The following HTR3A variants were observed in gnomAD, a reference collection of about 807,000 sequenced individuals.
HTR3A encodes the protein 5-hydroxytryptamine receptor 3A.
In HTR3A, 45 loss-of-function variants were observed where a neutral mutation model predicts 54.8. That is an observed-to-expected ratio of 0.82 (90% CI 0.65 to 1.05). HTR3A has a LOEUF of 1.05. Ranked by LOEUF, HTR3A falls within the 50% of genes least tolerant of loss-of-function variation. The probability of loss-of-function intolerance (pLI) is 0.00; values close to 1 mark genes in which losing one functional copy is unlikely to be tolerated. For synonymous variants in HTR3A, 297 were observed against 256.0 expected, an observed-to-expected ratio of 1.16 and a Z score of -1.53; for missense variants, 657 against 614.0, an observed-to-expected ratio of 1.07 and a Z score of -0.74.
In HTR3A at chr11:113,975,280, C is replaced by T. The variant is rs745653184; in HGVS notation, c.-46C>T. The stretch of plus-strand genomic sequence containing the variant: ...GCAGGCAAGCTGGCCCTTGGTGGGC[C>T]TCGTCCTGAGCACTCGGAGGCACTC... On this transcript the variant is annotated 5_prime_UTR_variant, in exon 1 of 9. Coordinates refer to ENST00000504030, the MANE Select transcript of HTR3A (RefSeq NM_000869.6). 2 of 1,606,034 alleles carry T rather than the reference C, an allele frequency of 1.2e-6. No individual in the cohort carries two copies. Among genetic ancestry groups the T allele is most frequent in the Non-Finnish European group, 1.7e-6 (2 of 1,175,504 alleles).
At chr11:113,981,174 G>A (rs1950417067) in intron 3 of HTR3A, 29 bp from the exon 4 acceptor site, 1 of 1,403,984 alleles carries the variant, frequency 7.1e-7, no homozygotes, top group Middle Eastern at 2.0e-4. Flanking sequence ...GGAGGGGGCT[G>A]CCTGTGACCA....
chr11:113,987,105 G>A, intron 8 of HTR3A, 59 bp downstream of exon 8: 1 of 1,570,446 alleles, frequency 6.4e-7, no homozygotes, highest in Non-Finnish European at 8.7e-7. Context: ...GGATGTTGTG[G>A]AAAGTCTCTG....
Position 113,986,973 on chromosome 11 carries a change from T to C in HTR3A, c.1065T>C (p.Leu355=). Residue 355 remains leucine (L), a synonymous_variant, in exon 8 of 9, where the codon CTT becomes CTC. Transcript: ENST00000504030. ...HLVLERIAWL[L]CLREQSTSQR... ...TTCTGGAGAGAATCGCCTGGCTACT[T>C]TGCCTGAGGGAGCAGTCAACTTCCC... 1 of 1,614,078 alleles carries C rather than the reference T, an allele frequency of 6.2e-7. No homozygotes were observed. Among genetic ancestry groups the C allele is most frequent in the South Asian group, 1.1e-5 (1 of 91,072 alleles).
rs766833273 is a variant in HTR3A, at chr11:113,986,111, T to C, written c.641T>C (p.Val214Ala). 1 of 1,614,044 alleles carries C rather than the reference T, an allele frequency of 6.2e-7. No homozygotes were observed. Among genetic ancestry groups the C allele is most frequent in the South Asian group, 1.1e-5 (1 of 91,078 alleles). The part of the protein sequence containing the change: ...MNQGEWELLG[V>A]LPYFREFSME... ...CAGGGAGAGTGGGAGTTGCTGGGGG[T>C]GCTGCCCTACTTTCGGGAGTTCAGC... Residue 214 changes from valine to alanine, a missense_variant, in exon 6 of 9, where the codon GTG becomes GCG. Physicochemically the swap from Val to Ala is moderately conservative, Grantham distance 64 (BLOSUM62 0). Coordinates refer to ENST00000504030, the MANE Select transcript of HTR3A (RefSeq NM_000869.6).
At chr11:113,986,430 T>A in intron 6 of HTR3A, 88 bp from the exon 7 acceptor site, 9 of 1,475,266 alleles carry the variant, frequency 6.1e-6, no homozygotes, top group Non-Finnish European at 8.4e-6. Context: ...GGAAGCCCCA[T>A]AAAACAAGGA....
chr11:113,978,443 G>A (rs536525030), intron 2 of HTR3A, among the ~76,000 whole-genome samples: 6 of 152,204 alleles, frequency 3.9e-5, no homozygotes, highest in South Asian at 2.1e-4. Context: ...GTGGCTCTGT[G>A]TTGGGGTCAG....
In HTR3A at chr11:113,975,300, G is replaced by A; in HGVS notation, c.-26G>A. On this transcript the variant is annotated 5_prime_UTR_variant, in exon 1 of 9. Coordinates refer to ENST00000504030, the MANE Select transcript of HTR3A (RefSeq NM_000869.6). ...TGGGCCTCGTCCTGAGCACTCGGAG[G>A]CACTCCTATGCTTGGAAAGCTCGCT... The A allele has an allele frequency of 6.2e-7, 1 of 1,612,798 alleles. No homozygotes were observed. Among genetic ancestry groups the A allele is most frequent in the East Asian group, 2.2e-5 (1 of 44,868 alleles).
chr11:113,977,878 A>C lies in HTR3A; in HGVS notation c.175A>C (p.Thr59Pro), dbSNP rs1591600252. 1 of 1,614,190 alleles carries C rather than the reference A, an allele frequency of 6.2e-7. No homozygotes were observed. The highest frequency in any genetic ancestry group is 8.5e-7 in the Non-Finnish European group (1 of 1,180,038). Residue 59 changes from threonine to proline, a missense_variant, in exon 2 of 9, where the codon ACC becomes CCC. Transcript: ENST00000504030. ...VRPVRDWRKPTTVSIDVIVYA... is the reference protein window; with the variant it reads ...VRPVRDWRKPPTVSIDVIVYA... ...CCCCGTGAGGGACTGGAGGAAGCCA[A>C]CCACCGTATCCATTGACGTCATTGT...
chr11:113,979,361 G>A (rs988270889), intron 3 of HTR3A, 84 bp downstream of exon 3: 16 of 1,067,294 alleles, frequency 1.5e-5, no homozygotes, highest in South Asian at 8.7e-5. Flanking sequence ...TGGCCTTGGC[G>A]AGGGAAGGTG....
At chr11:113,979,869 C>T (rs906288166) in intron 3 of HTR3A, among the ~76,000 whole-genome samples, 1 of 152,078 alleles carries the variant, frequency 6.6e-6, no homozygotes, top group Non-Finnish European at 1.5e-5. Context: ...GAAGTCAGAG[C>T]AGAGGAGAAA....
rs1200081965 is a variant in HTR3A, at chr11:113,977,844, G to T, written c.141G>T (p.Lys47Asn). The change falls in exon 2 of 9, where the codon AAG (lysine) becomes AAT (asparagine). Residue 47 changes from lysine (K) to asparagine (N), a missense_variant. Physicochemically the swap from Lys to Asn is moderately conservative, Grantham distance 94 (BLOSUM62 0). Transcript: ENST00000504030. Reference protein sequence around the residue: ...LSDYLLTNYRKGVRPVRDWRK... With the variant: ...LSDYLLTNYRNGVRPVRDWRK... Reference sequence around the variant, plus strand: ...ATTACCTTTTGACCAACTACAGGAAGGGTGTGCGCCCCGTGAGGGACTGGA... The same window carrying T: ...ATTACCTTTTGACCAACTACAGGAATGGTGTGCGCCCCGTGAGGGACTGGA... 10 of 1,614,168 alleles carry T rather than the reference G, an allele frequency of 6.2e-6. No individual in the cohort carries two copies. Among genetic ancestry groups the T allele is most frequent in the Non-Finnish European group, 8.5e-6 (10 of 1,180,030 alleles).
chr11:113,979,325 A>T (rs1371307808), intron 3 of HTR3A, 48 bp downstream of exon 3: 1 of 1,491,086 alleles, frequency 6.7e-7, no homozygotes, highest in South Asian at 1.1e-5. Flanking sequence ...CCTCCTGGGA[A>T]GGAGTCGGGA....
At position 113,986,065 on chromosome 11, in the gene HTR3A, G is replaced by A. The variant is rs569636885; in HGVS notation, c.595G>A (p.Asp199Asn). Residue 199 changes from aspartate to asparagine, a missense_variant, in exon 6 of 9, where the codon GAC (aspartate) becomes AAC (asparagine). Asp to Asn is a conservative substitution (Grantham distance 23, BLOSUM62 1). Transcript: ENST00000504030. The part of the protein sequence containing the change: ...LWRLPEKVKS[D>N]RSVFMNQGEW... Reference sequence around the variant, plus strand: ...GCGCTTGCCAGAAAAGGTGAAATCCGACAGGAGTGTCTTCATGAACCAGGG... The same window carrying A: ...GCGCTTGCCAGAAAAGGTGAAATCCAACAGGAGTGTCTTCATGAACCAGGG... 1.2e-5 allele frequency: 20 copies of A among 1,614,186 alleles called. 1 individual carries two copies. Among genetic ancestry groups the A allele is most frequent in the Admixed American group, 1.0e-4 (6 of 60,022 alleles).
In HTR3A at chr11:113,989,595, C is replaced by A; in HGVS notation, c.1269C>A (p.Ser423=). The change falls in exon 9 of 9, where the codon TCC becomes TCA. Residue 423 remains serine (S), a synonymous_variant. Coordinates refer to ENST00000504030, the MANE Select transcript of HTR3A (RefSeq NM_000869.6). This position sits in a 1 kb window ranked among gnomAD's most constrained non-coding sequence, Gnocchi z 4.4. ...LAVCGLLQEL[S]SIRQFLEKRD... ...TGTGTGGGCTGCTGCAGGAGCTGTC[C>A]TCCATCCGGCAATTCCTGGAAAAGC... 6.2e-7 allele frequency: 1 copy of A among 1,614,200 alleles called. No individual in the cohort carries two copies. Among genetic ancestry groups the A allele is most frequent in the Non-Finnish European group, 8.5e-7 (1 of 1,180,038 alleles).
chr11:113,986,081 T>G lies in HTR3A; in HGVS notation c.611T>G (p.Met204Arg). 6.2e-7 allele frequency: 1 copy of G among 1,614,204 alleles called. No individual in the cohort carries two copies. The highest frequency in any genetic ancestry group is 8.5e-7 in the Non-Finnish European group (1 of 1,180,034). Residue 204 changes from methionine to arginine, a missense_variant, in exon 6 of 9, where the codon ATG (methionine) becomes AGG (arginine). Physicochemically the swap from Met to Arg is moderately conservative, Grantham distance 91 (BLOSUM62 -1). Coordinates refer to ENST00000504030, the MANE Select transcript of HTR3A (RefSeq NM_000869.6). ...GTGAAATCCGACAGGAGTGTCTTCA[T>G]GAACCAGGGAGAGTGGGAGTTGCTG... ...EKVKSDRSVF[M>R]NQGEWELLGV...
rs753309130 is a variant in HTR3A at position 113,989,537 on chromosome 11, C to G, written c.1211C>G (p.Pro404Arg). The G allele has an allele frequency of 6.2e-7, 1 of 1,614,104 alleles. No individual in the cohort carries two copies. Among genetic ancestry groups the G allele is most frequent in the Non-Finnish European group, 8.5e-7 (1 of 1,180,020 alleles). The change falls in exon 9 of 9, where the codon CCT (proline) becomes CGT (arginine). Residue 404 changes from proline (P) to arginine (R), a missense_variant. Transcript: ENST00000504030. The surrounding 1 kb of genome is among the most constrained non-coding windows in gnomAD (Gnocchi z 4.4). ...FEKSPRDRCSPPPPPREASLA... is the reference protein window; with the variant it reads ...FEKSPRDRCSRPPPPREASLA... ...AAGAGCCCGAGGGACAGATGTAGCC[C>G]TCCCCCACCACCTCGGGAGGCCTCG...
Position 113,989,955 on chromosome 11 carries a change from T to C in HTR3A, c.*192T>C, listed in dbSNP as rs2137590620. Reference sequence around the variant, plus strand: ...AGGTCTGAACCCTTCCACCAAAAACTGGGTGTTCAAGGCCCTTACACCCTT... The same window carrying C: ...AGGTCTGAACCCTTCCACCAAAAACCGGGTGTTCAAGGCCCTTACACCCTT... On this transcript the variant is annotated 3_prime_UTR_variant, in exon 9 of 9. Transcript: ENST00000504030. The surrounding 1 kb of genome is among the most constrained non-coding windows in gnomAD (Gnocchi z 4.4). 1 of 741,918 alleles carries C rather than the reference T, an allele frequency of 1.3e-6. No individual in the cohort carries two copies. Among genetic ancestry groups the C allele is most frequent in the East Asian group, 2.7e-5 (1 of 37,220 alleles). The allele number at this position is 741,918 out of a possible 1,614,324, so 46.0% of individuals were successfully genotyped here.
chr11:113,986,277 C>G (rs1016533081), intron 6 of HTR3A, 102 bp downstream of exon 6: 1 of 1,422,594 alleles, frequency 7.0e-7, no homozygotes, highest in Non-Finnish European at 9.9e-7. Context: ...TTTCCAACCC[C>G]AGGGTTGCAC....
At chr11:113,987,158 T>C in intron 8 of HTR3A, 112 bp downstream of exon 8, 1 of 1,135,106 alleles carries the variant, frequency 8.8e-7, no homozygotes, top group Admixed American at 1.9e-5. Flanking sequence ...GCACATGGCA[T>C]CCCATGCCCT....
Sources: allele counts gnomAD v4.1 joint callset (sites outside exome capture counted in the v4.1 genomes callset), GRCh38; gene constraint gnomAD v4.1.1; non-coding constraint Gnocchi (gnomAD v3.1); transcripts MANE v1.5; gene names NCBI Gene and HGNC (gene_info 2026-07-23, HGNC 2026-07-21).